EIF4G3: variants seen among roughly 807,000 people sequenced by gnomAD.
The protein encoded by EIF4G3 is eukaryotic translation initiation factor 4 gamma 3, also known as eIF-4-gamma 3.
A neutral mutation model predicts 186.4 loss-of-function variants in EIF4G3; 34 were observed. That is an observed-to-expected ratio of 0.18 (90% CI 0.14 to 0.24). EIF4G3 has a LOEUF of 0.24. Ranked by LOEUF, EIF4G3 falls within the 10% of genes least tolerant of loss-of-function variation. The probability of loss-of-function intolerance (pLI) is 1.00; values close to 1 mark genes in which losing one functional copy is unlikely to be tolerated. For missense variants in EIF4G3, 1,536 were observed against 1,948.5 expected, an observed-to-expected ratio of 0.79 and a Z score of 3.99; for synonymous variants, 673 against 679.5, an observed-to-expected ratio of 0.99 and a Z score of 0.15.
chr1:20,843,055 T>C (rs2069288433), intron 29 of EIF4G3, among the ~76,000 whole-genome samples: 1 of 151,854 alleles, frequency 6.6e-6, no homozygotes. Context: ...CCCAGGCTGG[T>C]CTCAAATTCC....
chr1:20,893,143 G>A (rs1211104485), intron 18 of EIF4G3: 2 of 187,238 alleles, frequency 1.1e-5, no homozygotes, highest in African/African-American at 2.4e-5. Context: ...TTGTTGTCAG[G>A]CTGACCTTGA....
Position 21,058,844 on chromosome 1 carries a change from T to C in EIF4G3, c.-195-7850A>G, listed in dbSNP as rs188563232. 1.8e-4 allele frequency among the ~76,000 whole-genome samples: 27 copies of C among 149,784 alleles called. No individual in the cohort carries two copies. The East Asian group carries it at 4.0e-3, about 22-fold the overall frequency. ...TCCGCTTCCCAAAGTGCCAGGATTA[T>C]AGGTATGAGCCACCACACCTGGCCA... On this transcript the variant is annotated intron_variant, in intron 3 of 36. Transcript: ENST00000602326.
rs570464814 is a variant in EIF4G3, at chr1:20,882,788, C to A, written c.2425-3268G>T. ...TCCAGCCTGGGCAATAGATTTAAGA[C>A]CCTCTTTCAAAAAAAAAAAGCCTGG... On this transcript the variant is annotated intron_variant, in intron 19 of 36. Transcript: ENST00000602326. 4.0e-5 allele frequency among the ~76,000 whole-genome samples: 6 copies of A among 151,740 alleles called. No homozygotes were observed. The East Asian group carries it at 1.2e-3, about 30-fold the overall frequency.
At chr1:20,906,455 C>T (rs1283250588) in intron 14 of EIF4G3, among the ~76,000 whole-genome samples, 14 of 152,024 alleles carry the variant, frequency 9.2e-5, no homozygotes. Context: ...ATGAATTTAG[C>T]TCTAAATCTC....
chr1:21,120,422 G>A (rs2096905811), intron 2 of EIF4G3, among the ~76,000 whole-genome samples: 1 of 151,858 alleles, frequency 6.6e-6, no homozygotes, highest in African/African-American at 2.4e-5. Context: ...AGCACTTTGG[G>A]AGGCTGACCA....
In EIF4G3 at chr1:21,176,843, A is replaced by G; in HGVS notation, c.-577T>C. ...GCCGGTGGATTTTCTTCACTCAACG[A>G]GCAGAGCATCCAACATGGCGCTGTG... On this transcript the variant is annotated 5_prime_UTR_variant, in exon 1 of 37. Coordinates refer to ENST00000602326, the MANE Select transcript of EIF4G3 (RefSeq NM_001391906.1). 1 of 701,546 alleles carries G rather than the reference A, an allele frequency of 1.4e-6. No individual in the cohort carries two copies. The highest frequency in any genetic ancestry group is 1.5e-5 in the South Asian group (1 of 67,584). The allele number at this position is 701,546 out of a possible 1,614,324, so 43.5% of individuals were successfully genotyped here. A position where few individuals can be genotyped will look rare whatever the true frequency, so the allele number is the denominator to read the frequency against.
intron 34 of EIF4G3, among the ~76,000 whole-genome samples, chr1:20,816,456 C>T (rs1475192158): frequency 1.7e-5 from 2 of 119,376 alleles, no homozygotes; most frequent in Admixed American, 7.6e-5. Flanking sequence ...AGTGAGGACC[C>T]CTCTGCCCGG....
At chr1:21,071,203 T>C (rs1206651093) in intron 3 of EIF4G3, among the ~76,000 whole-genome samples, 3 of 152,138 alleles carry the variant, frequency 2.0e-5, no homozygotes, top group African/African-American at 7.2e-5. Flanking sequence ...CCAGGAGTTC[T>C]AGACCAGCCT....
intron 12 of EIF4G3, among the ~76,000 whole-genome samples, chr1:20,961,942 C>T (rs2096579278): frequency 6.6e-6 from 1 of 152,124 alleles, no homozygotes; most frequent in African/African-American, 2.4e-5. Context: ...GTACAGAATG[C>T]TATTAATTTA....
chr1:21,039,407 TA>T (rs2093429708), intron 4 of EIF4G3, among the ~76,000 whole-genome samples: 1 of 152,160 alleles, frequency 6.6e-6, no homozygotes, highest in Non-Finnish European at 1.5e-5. Context: ...CAAAGGAACA[TA>T]GGGGGAAACT....
intron 2 of EIF4G3, among the ~76,000 whole-genome samples, chr1:21,148,692 ACT>A (rs1478752159): frequency 1.1e-4 from 15 of 137,124 alleles, no homozygotes; most frequent in Non-Finnish European, 2.0e-4. Flanking sequence ...ACAGAGTGAG[ACT>A]CTGTCTCATT....
chr1:21,080,149 TA>T (rs771183192), intron 3 of EIF4G3, among the ~76,000 whole-genome samples: 2,199 of 129,732 alleles, frequency 0.017, 27 homozygotes, highest in African/African-American at 0.031. Flanking sequence ...AGACTCCAAC[TA>T]AAAAAAAAAA....
chr1:21,168,454 G>A lies in EIF4G3; in HGVS notation c.-272+7721C>T, dbSNP rs111629361. 6.0e-3 allele frequency among the ~76,000 whole-genome samples: 907 copies of A among 151,716 alleles called. 13 individuals carry two copies. The highest frequency in any genetic ancestry group is 0.024 in the East Asian group (125 of 5,106). On this transcript the variant is annotated intron_variant, in intron 2 of 36. Transcript: ENST00000602326. ...CTTTTTATTTTTGGGGGACAGTCTT[G>A]CCCTTTCACCCAGGCTGGTGTGCAA... is the stretch of plus-strand genomic sequence containing the variant.
At chr1:20,817,890 G>A (rs992613267) in intron 33 of EIF4G3, among the ~76,000 whole-genome samples, 73 of 151,906 alleles carry the variant, frequency 4.8e-4, no homozygotes, top group Non-Finnish European at 4.0e-4. Flanking sequence ...TGCCCAGGCT[G>A]GTCTTGAACT....
At chr1:21,049,310 T>G (rs1263875405) in intron 4 of EIF4G3, among the ~76,000 whole-genome samples, 1 of 152,332 alleles carries the variant, frequency 6.6e-6, no homozygotes, top group East Asian at 1.9e-4. Context: ...TATCTGAGCC[T>G]CTACTCAGCC....
intron 4 of EIF4G3, among the ~76,000 whole-genome samples, chr1:21,023,253 C>A (rs1401370415): frequency 2.8e-5 from 3 of 106,600 alleles, no homozygotes; most frequent in Non-Finnish European, 5.8e-5. Context: ...TCCCCCTCCC[C>A]CCCTCCCCCT....
In EIF4G3 at chr1:21,120,577, G is replaced by A. The variant is rs181729817; in HGVS notation, c.-271-31364C>T. ...GGAGGCAGAGGCTGCAGCGAGCCGA[G>A]ATCACTACAGCCTGGACAACAGAGT... On this transcript the variant is annotated intron_variant, in intron 2 of 36. Coordinates refer to ENST00000602326, the MANE Select transcript of EIF4G3 (RefSeq NM_001391906.1). 5.5e-3 allele frequency among the ~76,000 whole-genome samples: 749 copies of A among 137,142 alleles called. 7 individuals carry two copies. The highest frequency in any genetic ancestry group is 0.02 in the African/African-American group (718 of 36,084). The allele number at this position is 137,142 out of a possible 152,430, so 90.0% of individuals were successfully genotyped here.
At chr1:20,852,573 C>A (rs915236215) in intron 27 of EIF4G3, among the ~76,000 whole-genome samples, 1 of 152,180 alleles carries the variant, frequency 6.6e-6, no homozygotes, top group African/African-American at 2.4e-5. Flanking sequence ...GATTCGTCTT[C>A]TTTTAGACAA....
intron 10 of EIF4G3, among the ~76,000 whole-genome samples, chr1:20,979,821 G>A (rs1044365404): frequency 4.0e-5 from 6 of 151,498 alleles, no homozygotes; most frequent in African/African-American, 1.5e-4. Context: ...CGTGATCTCG[G>A]CTCACTGCAA....
Sources: gnomAD v4.1 joint callset for allele counts (sites outside exome capture counted in the v4.1 genomes callset) on GRCh38, gnomAD v4.1.1 for gene constraint, MANE v1.5 for transcripts, NCBI Gene and HGNC (gene_info 2026-07-23, HGNC 2026-07-21) for gene names.